Variants in SLC5A4 observed in about 807,000 individuals in gnomAD.
The protein encoded by SLC5A4 is solute carrier family 5 member 4, also known as probable glucose sensor protein SLC5A4.
Under a neutral mutation model 70.3 loss-of-function variants are expected in SLC5A4, and 55 were observed. The observed-to-expected ratio is 0.78, with a 90% CI of 0.63 to 0.98. SLC5A4 has a LOEUF of 0.98. SLC5A4 is among the 50% of genes least tolerant of loss of function. The probability of loss-of-function intolerance (pLI) is 0.00; values close to 1 mark genes in which losing one functional copy is unlikely to be tolerated. For missense variants in SLC5A4, 735 were observed against 839.2 expected (o/e 0.88, Z 1.53); for synonymous variants, 268 against 305.7 (o/e 0.88, Z 1.29).
At chr22:32,338,383 T>TCA in the SLC5A4 span, among the ~76,000 whole-genome samples, 1 of 147,304 alleles carries the variant, frequency 6.8e-6, no homozygotes, top group Non-Finnish European at 1.5e-5. Flanking sequence ...ACGCGGTGCC[T>TCA]CACGCCTGTA....
rs145888958 is a variant in SLC5A4 at position 32,235,037 on chromosome 22, G to C, written c.721C>G (p.Pro241Ala). 23 of 1,613,742 alleles carry C rather than the reference G, an allele frequency of 1.4e-5. No homozygotes were observed. Among genetic ancestry groups the C allele is most frequent in the Non-Finnish European group, 2.5e-6 (3 of 1,180,014 alleles). Residue 241 changes from proline (P) to alanine (A), a missense_variant, in exon 8 of 15, where the codon CCA becomes GCA. By Grantham distance (27) the Pro-to-Ala change is conservative. Transcript: ENST00000266086. ...AAGTTGTCCCCCTCGACTACGGATG[G>C]GGTGGCATTCACGTACTTCTCGGTA... ...SFTEKYVNAT[P>A]SVVEGDNLTI... is the part of the protein sequence containing the mutation.
chr22:32,347,279 T>C, the SLC5A4 span, among the ~76,000 whole-genome samples: 3 of 152,172 alleles, frequency 2.0e-5, no homozygotes, highest in African/African-American at 7.2e-5. Flanking sequence ...AGTTCAACCA[T>C]TGTGGAAGTC....
intron 3 of SLC5A4, among the ~76,000 whole-genome samples, chr22:32,250,605 G>T (rs188982312): frequency 6.6e-6 from 1 of 152,230 alleles, no homozygotes; most frequent in African/African-American, 2.4e-5. Context: ...CCATTACTGG[G>T]TATATACCCA....
the SLC5A4 span, among the ~76,000 whole-genome samples, chr22:32,290,118 CATGTACAGA>C: frequency 6.6e-6 from 1 of 152,056 alleles, no homozygotes; most frequent in South Asian, 2.1e-4. Flanking sequence ...TTCTGGGATG[CATGTACAGA>C]ATGTGCAGGT....
At chr22:32,311,480 C>T in the SLC5A4 span, among the ~76,000 whole-genome samples, 8,116 of 152,258 alleles carry the variant, frequency 0.053, 245 homozygotes, top group Admixed American at 0.07. Context: ...TGATGCCATC[C>T]ATCTCATAGG....
intron 5 of SLC5A4, among the ~76,000 whole-genome samples, chr22:32,240,449 ATG>A (rs754081875): frequency 0.1 from 13,270 of 128,418 alleles, 680 homozygotes; most frequent in African/African-American, 0.18. Flanking sequence ...ATATATATAT[ATG>A]TGTGTGTGTG....
At chr22:32,295,576 G>A in the SLC5A4 span, among the ~76,000 whole-genome samples, 3 of 101,786 alleles carry the variant, frequency 2.9e-5, no homozygotes, top group South Asian at 1.0e-3. Context: ...AGATGAGTAG[G>A]TTGTGAAAAT....
chr22:32,271,427 G>T, the SLC5A4 span: 1 of 773,744 alleles, frequency 1.3e-6, no homozygotes, highest in East Asian at 2.8e-5. Context: ...TTATCTACAA[G>T]GCCTTCCCCC....
At chr22:32,308,245 C>T in the SLC5A4 span, among the ~76,000 whole-genome samples, 1 of 152,140 alleles carries the variant, frequency 6.6e-6, no homozygotes, top group Non-Finnish European at 1.5e-5. Context: ...ACCAGTACAC[C>T]CAAGTTGAAA....
the SLC5A4 span, among the ~76,000 whole-genome samples, chr22:32,350,780 T>A: frequency 1.3e-5 from 2 of 151,986 alleles, no homozygotes; most frequent in African/African-American, 4.8e-5. Flanking sequence ...ATTCATGACC[T>A]TAAAAATAAT....
At chr22:32,259,533 G>C (rs2145716488), upstream of SLC5A4, among the ~76,000 whole-genome samples, 1 of 152,052 alleles carries the variant, frequency 6.6e-6, no homozygotes, top group Admixed American at 6.6e-5. Context: ...AACTATCCCT[G>C]CATTCTGAGA....
intron 14 of SLC5A4, among the ~76,000 whole-genome samples, 170 bp downstream of exon 14, chr22:32,220,750 T>C (rs1235860964): frequency 6.6e-6 from 1 of 152,210 alleles, no homozygotes; most frequent in Non-Finnish European, 1.5e-5. Context: ...GATGAATAGA[T>C]GGATTTAATA....
intron 13 of SLC5A4, among the ~76,000 whole-genome samples, chr22:32,223,186 C>T (rs186221234): frequency 1.3e-5 from 2 of 152,158 alleles, no homozygotes; most frequent in Non-Finnish European, 2.9e-5. Context: ...TGTGCTCATT[C>T]CTTTCATGAT....
chr22:32,329,381 A>G, the SLC5A4 span, among the ~76,000 whole-genome samples: 1 of 152,186 alleles, frequency 6.6e-6, no homozygotes, highest in Non-Finnish European at 1.5e-5. Context: ...ATGTATGTCT[A>G]TTGAGTCGGG....
chr22:32,223,761 T>C (rs1029064160), intron 13 of SLC5A4, among the ~76,000 whole-genome samples: 3 of 152,230 alleles, frequency 2.0e-5, no homozygotes, highest in African/African-American at 7.2e-5. Flanking sequence ...ATGTCCATTT[T>C]CTAATCCCTT....
chr22:32,297,163 C>G, the SLC5A4 span, among the ~76,000 whole-genome samples: 1 of 151,940 alleles, frequency 6.6e-6, no homozygotes, highest in East Asian at 1.9e-4. Context: ...TGATGCTGGC[C>G]TCATAAAATG....
At chr22:32,287,823 C>A in the SLC5A4 span, among the ~76,000 whole-genome samples, 4 of 151,344 alleles carry the variant, frequency 2.6e-5, no homozygotes, top group Non-Finnish European at 5.9e-5. Flanking sequence ...TATCTGTCTT[C>A]ATTCTCTCCA....
chr22:32,324,883 C>A, the SLC5A4 span, among the ~76,000 whole-genome samples: 3 of 152,250 alleles, frequency 2.0e-5, no homozygotes, highest in African/African-American at 7.2e-5. Context: ...CATTGCACAG[C>A]CTTCTGGAAG....
the SLC5A4 span, among the ~76,000 whole-genome samples, chr22:32,299,061 G>A: frequency 2.2e-5 from 3 of 138,632 alleles, no homozygotes; most frequent in African/African-American, 5.5e-5. Flanking sequence ...AGGGTAACCC[G>A]ACCTTTCTCT....
Sources: allele counts gnomAD v4.1 joint callset (sites outside exome capture counted in the v4.1 genomes callset), GRCh38; gene constraint gnomAD v4.1.1; transcripts MANE v1.5; gene names NCBI Gene and HGNC (gene_info 2026-07-23, HGNC 2026-07-21).